Variants in HOMER1 observed in about 807,000 individuals in gnomAD.
The protein encoded by HOMER1 is homer protein homolog 1.
Under a neutral mutation model 48.9 loss-of-function variants are expected in HOMER1, and 3 were observed. The ratio of observed to expected loss-of-function variants is 0.06; its 90% CI spans 0.03 to 0.16. The LOEUF is 0.16. HOMER1 is among the 10% of genes least tolerant of loss of function. The pLI is 1.00. For synonymous variants in HOMER1, 134 were observed against 146.4 expected, an observed-to-expected ratio of 0.92 and a Z score of 0.61; for missense variants, 247 against 411.4, an observed-to-expected ratio of 0.60 and a Z score of 3.46.
At chr5:79,430,607 G>A (rs553405195) in intron 5 of HOMER1, among the ~76,000 whole-genome samples, 14 of 152,278 alleles carry the variant, frequency 9.2e-5, no homozygotes, top group African/African-American at 3.4e-4. Flanking sequence ...TTCAAAAAGT[G>A]GAAGCAACCA....
At chr5:79,449,380 G>A (rs551531955) in intron 3 of HOMER1, among the ~76,000 whole-genome samples, 10 of 152,334 alleles carry the variant, frequency 6.6e-5, no homozygotes, top group African/African-American at 2.2e-4. Context: ...GTTATGCTGA[G>A]ATACTTTGAA....
chr5:79,510,603 T>C, intron 1 of HOMER1: 1 of 831,864 alleles, frequency 1.2e-6, no homozygotes. Context: ...CTAAAGAAGA[T>C]GCAGGCTAAC....
chr5:79,489,147 A>C (rs1752201366), intron 1 of HOMER1, among the ~76,000 whole-genome samples: 1 of 152,208 alleles, frequency 6.6e-6, no homozygotes, highest in South Asian at 2.1e-4. Flanking sequence ...TTACAATATG[A>C]GTGGAAAGTA....
chr5:79,481,029 G>A (rs1345343221), intron 1 of HOMER1, among the ~76,000 whole-genome samples: 1 of 152,162 alleles, frequency 6.6e-6, no homozygotes, highest in Non-Finnish European at 1.5e-5. Context: ...CTATGTAAGT[G>A]ATTACTAATC....
intron 8 of HOMER1, among the ~76,000 whole-genome samples, chr5:79,381,015 C>A (rs1217521836): frequency 6.6e-6 from 1 of 152,186 alleles, no homozygotes; most frequent in Admixed American, 6.5e-5. Flanking sequence ...GCTGCCACTA[C>A]TGGCCTCCAA....
At chr5:79,396,244 T>A (rs1749379825) in intron 8 of HOMER1, among the ~76,000 whole-genome samples, 1 of 152,126 alleles carries the variant, frequency 6.6e-6, no homozygotes, top group Admixed American at 6.6e-5. Context: ...TACTAACTTG[T>A]GTTCCATTAG....
chr5:79,394,391 G>A (rs1020087714), intron 8 of HOMER1, among the ~76,000 whole-genome samples: 1 of 152,132 alleles, frequency 6.6e-6, no homozygotes, highest in Non-Finnish European at 1.5e-5. Flanking sequence ...GAAAAAATAT[G>A]TTATTTTCTG....
At chr5:79,380,315 C>T (rs1484265372) in intron 8 of HOMER1, among the ~76,000 whole-genome samples, 3 of 152,192 alleles carry the variant, frequency 2.0e-5, no homozygotes, top group African/African-American at 4.8e-5. Flanking sequence ...GAGACCTAAG[C>T]TGCAGCAAGG....
chr5:79,413,694 A>C (rs958090503), intron 5 of HOMER1, among the ~76,000 whole-genome samples: 1 of 84,350 alleles, frequency 1.2e-5, no homozygotes, highest in Non-Finnish European at 1.9e-5. Flanking sequence ...ATTTTAACGT[A>C]AAAAAAAAAA....
intron 1 of HOMER1, among the ~76,000 whole-genome samples, chr5:79,485,464 G>T (rs961038150): frequency 6.6e-6 from 1 of 152,182 alleles, no homozygotes; most frequent in Non-Finnish European, 1.5e-5. Flanking sequence ...CTGACTCCTG[G>T]TGTTTCTGTG....
At chr5:79,411,530 T>C (rs912483767) in intron 5 of HOMER1, among the ~76,000 whole-genome samples, 4 of 152,084 alleles carry the variant, frequency 2.6e-5, no homozygotes, top group East Asian at 1.9e-4. Context: ...TGAGAAGATA[T>C]TAAACTTCAT....
intron 5 of HOMER1, among the ~76,000 whole-genome samples, chr5:79,421,390 G>C (rs1307018783): frequency 6.6e-6 from 1 of 152,126 alleles, no homozygotes; most frequent in Non-Finnish European, 1.5e-5. Context: ...CAGCTACTTG[G>C]TAAACATGCA....
chr5:79,434,413 A>G lies in HOMER1; in HGVS notation c.527+4597T>C, dbSNP rs1398423251. ...TATGAAGCAAACAAGAATTCCCTGG[A>G]AAGAGAACAAAACCTTCCCTCTTAC... is the stretch of plus-strand genomic sequence containing the variant. On this transcript the variant is annotated intron_variant, in intron 5 of 8. Transcript: ENST00000334082. 2.0e-5 allele frequency among the ~76,000 whole-genome samples: 3 copies of G among 152,240 alleles called. No individual in the cohort carries two copies. The East Asian group carries it at 5.8e-4, about 29-fold the overall frequency.
chr5:79,507,277 T>A (rs1687532254), intron 1 of HOMER1, among the ~76,000 whole-genome samples: 2 of 145,950 alleles, frequency 1.4e-5, no homozygotes, highest in Non-Finnish European at 3.0e-5. Flanking sequence ...CTTGCAATAC[T>A]CATTCAGTAA....
At chr5:79,387,349 A>C (rs1749145091) in intron 8 of HOMER1, among the ~76,000 whole-genome samples, 1 of 152,058 alleles carries the variant, frequency 6.6e-6, no homozygotes, top group Admixed American at 6.6e-5. Flanking sequence ...GGCTAGTTGC[A>C]AACTCCTAGT....
In HOMER1 at chr5:79,503,834, G is replaced by C. The variant is rs145017995; in HGVS notation, c.5+8936C>G. Among the ~76,000 whole-genome samples, 766 of 152,152 alleles carry C rather than the reference G, an allele frequency of 5.0e-3. 9 individuals are homozygous for C. Among genetic ancestry groups the C allele is most frequent in the African/African-American group, 0.017 (699 of 41,530 alleles). On this transcript the variant is annotated intron_variant, in intron 1 of 8. Transcript: ENST00000334082. ...ATATTCTTATCTTCATCTTCACATT[G>C]AGCAGGCTGAGGAGGAAGAGGAGGA... is the stretch of plus-strand genomic sequence containing the variant.
At chr5:79,420,086 C>T (rs1020519446) in intron 5 of HOMER1, among the ~76,000 whole-genome samples, 1 of 152,188 alleles carries the variant, frequency 6.6e-6, no homozygotes, top group Non-Finnish European at 1.5e-5. Flanking sequence ...AATAGGCTAT[C>T]AGTTTGTGTA....
chr5:79,435,605 GTGGA>G (rs1176483148), intron 5 of HOMER1, among the ~76,000 whole-genome samples: 6 of 152,242 alleles, frequency 3.9e-5, no homozygotes, highest in Non-Finnish European at 8.8e-5. Flanking sequence ...GCTGAGGCGG[GTGGA>G]TCATGAGGTC....
chr5:79,461,805 T>C (rs1311826379), intron 1 of HOMER1, among the ~76,000 whole-genome samples: 2 of 152,162 alleles, frequency 1.3e-5, no homozygotes, highest in African/African-American at 4.8e-5. Context: ...GACTACAGTA[T>C]TATTTCTTAA....
Sources: gnomAD v4.1 joint callset for allele counts (sites outside exome capture counted in the v4.1 genomes callset) on GRCh38, gnomAD v4.1.1 for gene constraint, MANE v1.5 for transcripts, NCBI Gene and HGNC (gene_info 2026-07-23, HGNC 2026-07-21) for gene names.